GRIK4: variants seen among roughly 807,000 people sequenced by gnomAD.
GRIK4 encodes glutamate receptor ionotropic, kainate 4.
GRIK4 carries 40 observed loss-of-function variants against 104.9 expected under a neutral mutation model. The observed-to-expected ratio is 0.38, with a 90% confidence interval of 0.30 to 0.50. The LOEUF (loss-of-function observed/expected upper bound fraction) is 0.50, where lower values mean the gene tolerates loss of function less well. GRIK4 is among the 20% of genes least tolerant of loss of function. The pLI is 0.93. For missense variants in GRIK4, 1,047 were observed against 1,308.1 expected (o/e 0.80, Z 3.08); for synonymous variants, 485 against 524.9 (o/e 0.92, Z 1.04).
At chr11:120,627,567 G>A (rs1178684322) in intron 1 of GRIK4, among the ~76,000 whole-genome samples, 1 of 152,238 alleles carries the variant, frequency 6.6e-6, no homozygotes, top group Non-Finnish European at 1.5e-5. Context: ...GAGGTGGAAT[G>A]AGCCCGGCAG....
chr11:120,587,473 C>A (rs1013979700), intron 1 of GRIK4, among the ~76,000 whole-genome samples: 5 of 152,072 alleles, frequency 3.3e-5, no homozygotes, highest in Non-Finnish European at 7.4e-5. Context: ...CTGTGACACT[C>A]AAAATAGGGA....
At chr11:120,899,808 T>C (rs566775452) in intron 12 of GRIK4, among the ~76,000 whole-genome samples, 1 of 152,218 alleles carries the variant, frequency 6.6e-6, no homozygotes, top group Admixed American at 6.5e-5. Context: ...TAGCAGGAGA[T>C]AGCCAGTGGA....
At chr11:120,793,480 G>A (rs1407430954) in intron 3 of GRIK4, among the ~76,000 whole-genome samples, 1 of 152,156 alleles carries the variant, frequency 6.6e-6, no homozygotes, top group African/African-American at 2.4e-5. Flanking sequence ...GTTGTCTGGA[G>A]CCCTCGTTAC....
At position 120,553,100 on chromosome 11, in the gene GRIK4, TTACCTTCTAGATAG is replaced by T. The variant is rs1201025555; in HGVS notation, c.-159+41214_-159+41227del. 5.9e-5 allele frequency among the ~76,000 whole-genome samples: 9 copies of T among 151,966 alleles called. No individual in the cohort carries two copies. The South Asian group carries it at 1.9e-3, about 32-fold the overall frequency. On this transcript the variant is annotated intron_variant, in intron 1 of 20. Transcript: ENST00000527524. ...GTGGGCTGTAATTATGCATCTCCAG[TTACCTTCTAGATAG>T]AAAAGATGCTGGATATAAAGATTTG... is the stretch of plus-strand genomic sequence containing the variant.
intron 1 of GRIK4, among the ~76,000 whole-genome samples, chr11:120,604,127 G>A (rs1213723630): frequency 7.1e-6 from 1 of 141,834 alleles, no homozygotes; most frequent in African/African-American, 2.7e-5. Context: ...AGCCGAGATC[G>A]CGCCACTGCA....
intron 4 of GRIK4, among the ~76,000 whole-genome samples, chr11:120,803,949 A>G (rs1296362151): frequency 2.0e-5 from 3 of 152,206 alleles, no homozygotes; most frequent in Non-Finnish European, 4.4e-5. Context: ...GCCAGACCAC[A>G]GAGCTAGTCA....
At chr11:120,625,429 A>G (rs1000388310) in intron 1 of GRIK4, among the ~76,000 whole-genome samples, 1 of 152,156 alleles carries the variant, frequency 6.6e-6, no homozygotes, top group African/African-American at 2.4e-5. Context: ...GGGGAGGCGG[A>G]GAGAGAAGGG....
At chr11:120,844,609 A>G (rs983790038) in intron 8 of GRIK4, among the ~76,000 whole-genome samples, 2 of 152,178 alleles carry the variant, frequency 1.3e-5, no homozygotes, top group East Asian at 3.9e-4. Flanking sequence ...ATCCCAACTA[A>G]GCCTCAGACA....
intron 3 of GRIK4, among the ~76,000 whole-genome samples, chr11:120,787,088 C>T (rs781721830): frequency 1.1e-4 from 16 of 152,044 alleles, no homozygotes; most frequent in South Asian, 4.2e-4. Context: ...GAGGCCGAGG[C>T]GGGAGGATTG....
At chr11:120,538,427 C>T (rs1000971403) in intron 1 of GRIK4, among the ~76,000 whole-genome samples, 6 of 152,320 alleles carry the variant, frequency 3.9e-5, no homozygotes, top group African/African-American at 1.2e-4. Context: ...TGTAAAAGGC[C>T]TCCTCTCCCA....
At chr11:120,676,801 C>G (rs1348489585) in intron 3 of GRIK4, among the ~76,000 whole-genome samples, 1 of 152,230 alleles carries the variant, frequency 6.6e-6, no homozygotes, top group African/African-American at 2.4e-5. Context: ...ATGTCCAAAC[C>G]ATAGCACCAT....
chr11:120,719,042 T>C (rs77780407), intron 3 of GRIK4, among the ~76,000 whole-genome samples: 3,373 of 152,320 alleles, frequency 0.022, 64 homozygotes, highest in Non-Finnish European at 0.033. Context: ...TTTTTTTAGA[T>C]ACACATTTAC....
Position 120,905,226 on chromosome 11 carries a change from C to A in GRIK4, c.1273-64C>A. The A allele has an allele frequency of 8.2e-7, 1 of 1,213,298 alleles. No homozygotes were observed. Among genetic ancestry groups the A allele is most frequent in the Non-Finnish European group, 1.2e-6 (1 of 817,910 alleles). 75.2% of individuals were successfully genotyped at this position (1,213,298 alleles called of 1,614,324 possible). A position where few individuals can be genotyped will look rare whatever the true frequency, so the allele number is the denominator to read the frequency against. On this transcript the variant is annotated intron_variant, in intron 12 of 20. Coordinates refer to ENST00000527524, the MANE Select transcript of GRIK4 (RefSeq NM_014619.5). This position sits in a 1 kb window ranked among gnomAD's most constrained non-coding sequence, Gnocchi z 5.1. ...CGACCCTCTGTGCCCCTGGCCCTCC[C>A]CATCACACGCGGGTGAGACACCAGG...
intron 1 of GRIK4, among the ~76,000 whole-genome samples, chr11:120,551,674 G>A (rs774211408): frequency 3.3e-5 from 5 of 152,028 alleles, no homozygotes; most frequent in Admixed American, 6.6e-5. Context: ...CCAACTGCTC[G>A]GGAGGCTGAG....
chr11:120,731,248 G>GTT (rs34922945), intron 3 of GRIK4, among the ~76,000 whole-genome samples: 1 of 147,438 alleles, frequency 6.8e-6, no homozygotes, highest in African/African-American at 2.5e-5. Context: ...TTCTATACCT[G>GTT]TTTTTTTTTA....
chr11:120,883,002 C>T (rs1387613785), intron 11 of GRIK4, among the ~76,000 whole-genome samples: 1 of 152,222 alleles, frequency 6.6e-6, no homozygotes, highest in Non-Finnish European at 1.5e-5. Context: ...TCCCTAATCC[C>T]CAGCTCCTGC....
At chr11:120,809,319 G>C (rs1323712343) in intron 4 of GRIK4, among the ~76,000 whole-genome samples, 1 of 152,200 alleles carries the variant, frequency 6.6e-6, no homozygotes, top group Non-Finnish European at 1.5e-5. Flanking sequence ...CTCCTCTGCT[G>C]CCTGGGAGGA....
At chr11:120,565,270 G>A (rs1014190721) in intron 1 of GRIK4, among the ~76,000 whole-genome samples, 1 of 152,244 alleles carries the variant, frequency 6.6e-6, no homozygotes. Context: ...TGGAGGAGCC[G>A]GCGATTAAAG....
At chr11:120,643,301 C>T (rs1949494708) in intron 1 of GRIK4, among the ~76,000 whole-genome samples, 1 of 152,114 alleles carries the variant, frequency 6.6e-6, no homozygotes, top group Admixed American at 6.5e-5. Flanking sequence ...TGAGTCAAGG[C>T]CTGGAAGAGG....
Sources: allele counts gnomAD v4.1 joint callset (sites outside exome capture counted in the v4.1 genomes callset), GRCh38; gene constraint gnomAD v4.1.1; non-coding constraint Gnocchi (gnomAD v3.1); transcripts MANE v1.5; gene names NCBI Gene and HGNC (gene_info 2026-07-23, HGNC 2026-07-21).